The following KHNYN variants were observed in gnomAD, a reference collection of about 807,000 sequenced individuals.
The protein encoded by KHNYN is protein KHNYN.
A neutral mutation model predicts 62.7 loss-of-function variants in KHNYN; 42 were observed. That is an observed-to-expected ratio of 0.67 (90% CI 0.52 to 0.87). The LOEUF (loss-of-function observed/expected upper bound fraction) is 0.87. Among genes scored for constraint, KHNYN ranks in the 40% least tolerant of loss-of-function variants. KHNYN has a pLI of 0.00. For missense variants in KHNYN, 829 were observed against 874.1 expected, an observed-to-expected ratio of 0.95 and a Z score of 0.65; for synonymous variants, 347 against 345.6, an observed-to-expected ratio of 1.00 and a Z score of -0.04.
At chr14:24,435,225 AG>A (rs1486072842) in intron 5 of KHNYN, among the ~76,000 whole-genome samples, 2 of 152,238 alleles carry the variant, frequency 1.3e-5, no homozygotes, top group African/African-American at 4.8e-5. Flanking sequence ...AGTCAGCATA[AG>A]ACATATGTGG....
At chr14:24,429,395 G>T, upstream of KHNYN, 1 of 589,756 alleles carries the variant, frequency 1.7e-6, no homozygotes, top group Non-Finnish European at 3.2e-6. Context: ...GACCTGGGGG[G>T]ATGGAGAACA....
chr14:24,434,220 G>A, intron 5 of KHNYN: 1 of 985,408 alleles, frequency 1.0e-6, no homozygotes, highest in Non-Finnish European at 1.2e-6. Flanking sequence ...CAGTTGTGTG[G>A]GACCTGGTTG....
In KHNYN at chr14:24,440,980, T is replaced by C; in HGVS notation, c.*3695T>C. ...GGGTGTCCTTGGTCCTGCCTGGCTC[T>C]CTGTAGTGGAGGCTCCCCTTGGCCT... On this transcript the variant is annotated 3_prime_UTR_variant, in exon 8 of 8. Transcript: ENST00000553935. 6.2e-7 allele frequency: 1 copy of C among 1,605,120 alleles called. No individual in the cohort carries two copies.
At chr14:24,427,534 C>T, upstream of KHNYN, 1 of 474,270 alleles carries the variant, frequency 2.1e-6, no homozygotes. The surrounding 1 kb of genome is among the most constrained non-coding windows in gnomAD (Gnocchi z 4.4). Context: ...TGCCCTGATC[C>T]TAGGGCTGCA....
chr14:24,427,737 G>T (rs1351419060), upstream of KHNYN: 5 of 1,547,592 alleles, frequency 3.2e-6, no homozygotes, highest in Non-Finnish European at 4.5e-6. The surrounding 1 kb of genome is among the most constrained non-coding windows in gnomAD (Gnocchi z 4.4). Flanking sequence ...GCAAGAGAGG[G>T]CAGAAGAAAG....
Position 24,432,569 on chromosome 14 carries a change from C to T in KHNYN, c.1308C>T (p.Asp436=), listed in dbSNP as rs145627124. The stretch of plus-strand genomic sequence containing the variant: ...TTGCCAATGTGCCTGGCCAGCCAGA[C>T]CTCCGCCATATTGTCATTGACGGCA... ...LCLANVPGQP[D]LRHIVIDGSN... The change falls in exon 3 of 8, where the codon GAC becomes GAT. Residue 436 remains aspartate, a synonymous_variant. Transcript: ENST00000553935. This position sits in a 1 kb window ranked among gnomAD's most constrained non-coding sequence, Gnocchi z 5.6. 29,472 of 1,609,422 alleles carry T rather than the reference C, an allele frequency of 0.018. 333 individuals carry two copies. Among genetic ancestry groups the T allele is most frequent in the Non-Finnish European group, 0.023 (26,579 of 1,176,590 alleles).
chr14:24,433,560 C>A (rs2043158967), intron 5 of KHNYN, among the ~76,000 whole-genome samples: 1 of 152,096 alleles, frequency 6.6e-6, no homozygotes. Context: ...TACTCATTGA[C>A]TTTGACTGTG....
chr14:24,434,694 A>C (rs185655608), intron 5 of KHNYN, among the ~76,000 whole-genome samples: 1 of 152,198 alleles, frequency 6.6e-6, no homozygotes, highest in Non-Finnish European at 1.5e-5. Flanking sequence ...TGAGCCACCA[A>C]GCCCGGCCAT....
chr14:24,432,271 A>G lies in KHNYN; in HGVS notation c.1010A>G (p.Gln337Arg). The change falls in exon 3 of 8, where the codon CAG (glutamine) becomes CGG (arginine). Residue 337 changes from glutamine (Q) to arginine (R), a missense_variant. Gln to Arg is a conservative substitution (Grantham distance 43). Around this residue, in one of 2 missense-constraint regions of KHNYN, gnomAD observed 559 missense variants for 527.0 expected, o/e 1.06. Transcript: ENST00000553935. The surrounding 1 kb of genome is among the most constrained non-coding windows in gnomAD (Gnocchi z 5.6). ...GAHGSCHRAA[Q>R]SRGASLLQRL... ...CATGGCTCCTGTCACAGGGCAGCTC[A>G]GTCCCGAGGAGCCTCCCTCCTCCAG... The G allele has an allele frequency of 6.2e-7, 1 of 1,613,478 alleles. No homozygotes were observed. Among genetic ancestry groups the G allele is most frequent in the African/African-American group, 1.3e-5 (1 of 75,004 alleles).
intron 6 of KHNYN, 74 bp downstream of exon 6, chr14:24,436,253 G>A (rs1303363512): frequency 1.4e-6 from 2 of 1,477,878 alleles, no homozygotes; most frequent in Non-Finnish European, 1.9e-6. Context: ...CTCTGGCCAT[G>A]GGGTGAAAAC....
upstream of KHNYN, chr14:24,429,410 ATG>A (rs978342310): frequency 3.9e-5 from 22 of 562,168 alleles, no homozygotes; most frequent in Middle Eastern, 2.7e-4. Flanking sequence ...AGAACATGGT[ATG>A]TGTGTGTGAC....
intron 1 of KHNYN, 99 bp downstream of exon 1, chr14:24,430,218 G>A: frequency 1.2e-6 from 1 of 855,876 alleles, no homozygotes; most frequent in Non-Finnish European, 1.4e-6. Flanking sequence ...CGGTGGGCGG[G>A]CCCGGCCCGG....
upstream of KHNYN, among the ~76,000 whole-genome samples, chr14:24,425,773 GA>G (rs1303321714): frequency 1.3e-5 from 2 of 152,196 alleles, no homozygotes; most frequent in Non-Finnish European, 2.9e-5. Context: ...CCTGAGCAGT[GA>G]ACAGTTGTCT....
chr14:24,429,701 C>A, upstream of KHNYN: 2 of 985,416 alleles, frequency 2.0e-6, no homozygotes, highest in Non-Finnish European at 2.4e-6. Context: ...TCTTTATTCG[C>A]GGGAAACAAC....
rs1166774566 is a variant in KHNYN at position 24,431,853 on chromosome 14, T to C, written c.592T>C (p.Ser198Pro). ...EELLSLVQEA[S>P]SGQGPGALAS... ...GCTGCTGAGTCTGGTGCAGGAGGCG[T>C]CTAGTGGGCAGGGGCCAGGAGCACT... The change falls in exon 3 of 8, where the codon TCT becomes CCT. Residue 198 changes from serine to proline, a missense_variant. Around this residue, in one of 2 missense-constraint regions of KHNYN, gnomAD observed 559 missense variants for 527.0 expected, o/e 1.06. Coordinates refer to ENST00000553935, the MANE Select transcript of KHNYN (RefSeq NM_015299.3). 2 of 1,613,876 alleles carry C rather than the reference T, an allele frequency of 1.2e-6. No homozygotes were observed. The highest frequency in any genetic ancestry group is 1.7e-6 in the Non-Finnish European group (2 of 1,179,994).
chr14:24,429,405 A>G (rs1374658397), upstream of KHNYN: 1 of 570,320 alleles, frequency 1.8e-6, no homozygotes, highest in East Asian at 4.1e-5. Flanking sequence ...GATGGAGAAC[A>G]TGGTATGTGT....
Position 24,436,442 on chromosome 14 carries a change from G to A in KHNYN, c.1740G>A (p.Leu580=). ...GNLFMVPDDP[L]GRNGPTLDEF... is the part of the protein sequence containing the mutation. The stretch of plus-strand genomic sequence containing the variant: ...TCTTCATGGTACCTGATGACCCACT[G>A]GGGCGAAACGGCCCCACCCTGGATG... Residue 580 remains leucine (L), a synonymous_variant, in exon 7 of 8, where the codon CTG becomes CTA. Coordinates refer to ENST00000553935, the MANE Select transcript of KHNYN (RefSeq NM_015299.3). 1 of 1,613,782 alleles carries A rather than the reference G, an allele frequency of 6.2e-7. No homozygotes were observed.
At position 24,437,459 on chromosome 14, in the gene KHNYN, C is replaced by T. The variant is rs1031202657; in HGVS notation, c.*174C>T. ...ATAAAGTGAACTGATCTTACCGAGT[C>T]AGGACCTCAGCCAGCTCTCAAGAGG... On this transcript the variant is annotated 3_prime_UTR_variant, in exon 8 of 8. Coordinates refer to ENST00000553935, the MANE Select transcript of KHNYN (RefSeq NM_015299.3). The surrounding 1 kb of genome is among the most constrained non-coding windows in gnomAD (Gnocchi z 5.5). The T allele has an allele frequency of 1.4e-6, 1 of 692,424 alleles. No individual in the cohort carries two copies. Among genetic ancestry groups the T allele is most frequent in the Non-Finnish European group, 2.3e-6 (1 of 427,820 alleles). The allele number at this position is 692,424 out of a possible 1,614,324, so 42.9% of individuals were successfully genotyped here.
chr14:24,434,492 C>T (rs577961549), intron 5 of KHNYN: 224 of 444,526 alleles, frequency 5.0e-4, no homozygotes, highest in African/African-American at 4.3e-3. Context: ...GCAACCTCTG[C>T]CTCCCAGGTT....
Sources: gnomAD v4.1 joint callset for allele counts (sites outside exome capture counted in the v4.1 genomes callset) on GRCh38, gnomAD v4.1.1 for gene constraint, gnomAD v4.1.1 regional missense constraint, Gnocchi (gnomAD v3.1) non-coding constraint, MANE v1.5 for transcripts, NCBI Gene and HGNC (gene_info 2026-07-23, HGNC 2026-07-21) for gene names.